Variants in USP49 observed in about 807,000 individuals in gnomAD.
USP49 encodes ubiquitin specific peptidase 49.
A neutral mutation model predicts 58.6 loss-of-function variants in USP49; 24 were observed. That is an observed-to-expected ratio of 0.41 (90% confidence interval 0.30 to 0.58). The LOEUF is 0.58. USP49 is among the 20% of genes least tolerant of loss of function. The pLI, the probability that USP49 is intolerant of heterozygous loss-of-function variation, is 0.30. For missense variants in USP49, 703 were observed against 866.1 expected (o/e 0.81, Z 2.36); for synonymous variants, 408 against 365.1 (o/e 1.12, Z -1.34).
At chr6:41,872,569 G>C (rs1168438538) in intron 2 of USP49, among the ~76,000 whole-genome samples, 2 of 151,774 alleles carry the variant, frequency 1.3e-5, no homozygotes, top group Non-Finnish European at 2.9e-5. Flanking sequence ...TTTTAAATTG[G>C]AGTACATATA....
chr6:41,826,892 C>G (rs536331253), intron 3 of USP49, among the ~76,000 whole-genome samples: 2 of 152,238 alleles, frequency 1.3e-5, no homozygotes, highest in South Asian at 2.1e-4. Context: ...AATGGTTAGG[C>G]AGTGTTCTTC....
chr6:41,877,654 C>T (rs1206884310), intron 2 of USP49, among the ~76,000 whole-genome samples: 4 of 151,704 alleles, frequency 2.6e-5, no homozygotes, highest in African/African-American at 9.7e-5. Flanking sequence ...CCTCTGCCTC[C>T]CAGGTAAGCA....
At position 41,812,374 on chromosome 6, in the gene USP49, C is replaced by T. The variant is rs1017537007; in HGVS notation, c.-28-5363G>A. Among the ~76,000 whole-genome samples, 3 of 147,884 alleles carry T rather than the reference C, an allele frequency of 2.0e-5. No homozygotes were observed. In the South Asian group the frequency reaches 6.7e-4, roughly 33 times the overall value. Reference sequence around the variant, plus strand: ...GATTACAGGCATGAGCCACTGCGCCCGGCCAGATGATTTTTTTGCACATTA... The same window carrying T: ...GATTACAGGCATGAGCCACTGCGCCTGGCCAGATGATTTTTTTGCACATTA... On this transcript the variant is annotated intron_variant, in intron 3 of 7. Coordinates refer to ENST00000682992, the MANE Select transcript of USP49 (RefSeq NM_001286554.2).
At chr6:41,860,285 A>AAG (rs1047183862) in intron 3 of USP49, among the ~76,000 whole-genome samples, 3 of 147,734 alleles carry the variant, frequency 2.0e-5, no homozygotes, top group Admixed American at 1.3e-4. Context: ...GAGAGAGAGA[A>AAG]AGAGAGAGAG....
intron 3 of USP49, among the ~76,000 whole-genome samples, chr6:41,817,457 C>CTT (rs58559695): frequency 8.0e-5 from 6 of 74,746 alleles, no homozygotes; most frequent in South Asian, 4.7e-4. Flanking sequence ...TTCTTTCTTT[C>CTT]TTTTTTTTTT....
At chr6:41,887,860 A>G (rs886778723) in intron 2 of USP49, among the ~76,000 whole-genome samples, 1 of 152,128 alleles carries the variant, frequency 6.6e-6, no homozygotes, top group Non-Finnish European at 1.5e-5. Context: ...AAACCCTGAA[A>G]ATTTCAGGAG....
intron 2 of USP49, among the ~76,000 whole-genome samples, chr6:41,889,832 A>T (rs911041529): frequency 6.6e-6 from 1 of 152,244 alleles, no homozygotes; most frequent in African/African-American, 2.4e-5. Context: ...TTGTTTAAAA[A>T]TACTCAAGTG....
chr6:41,861,469 A>G (rs1202592091), intron 3 of USP49, among the ~76,000 whole-genome samples: 2 of 152,128 alleles, frequency 1.3e-5, no homozygotes, highest in Non-Finnish European at 2.9e-5. Flanking sequence ...TAAATCCAAT[A>G]TAAGTATAGA....
chr6:41,839,404 CAAAAAAAAAAAAAAAAAA>C (rs538220746), intron 3 of USP49, among the ~76,000 whole-genome samples: 5 of 22,236 alleles, frequency 2.2e-4, no homozygotes, highest in African/African-American at 4.3e-4. Context: ...GGCCTTGTCT[CAAAAAAAAAAAAAAAAAA>C]AAAAAAAAAA....
chr6:41,828,002 T>A (rs1412500634), intron 3 of USP49, among the ~76,000 whole-genome samples: 1 of 152,202 alleles, frequency 6.6e-6, no homozygotes, highest in African/African-American at 2.4e-5. Flanking sequence ...GAATTTAAAA[T>A]TTTTTAAATT....
intron 3 of USP49, among the ~76,000 whole-genome samples, chr6:41,858,587 T>G (rs866293832): frequency 1.3e-5 from 2 of 152,172 alleles, no homozygotes; most frequent in Non-Finnish European, 2.9e-5. Flanking sequence ...ATGAGCCACA[T>G]TGGCCTCCTC....
At chr6:41,856,097 G>A (rs1774125903) in intron 3 of USP49, among the ~76,000 whole-genome samples, 1 of 151,494 alleles carries the variant, frequency 6.6e-6, no homozygotes, top group Non-Finnish European at 1.5e-5. Context: ...ATTAAGGCCG[G>A]GCGCTGTGGC....
At chr6:41,894,793 C>T (rs890504061) in intron 1 of USP49, among the ~76,000 whole-genome samples, 76 of 152,098 alleles carry the variant, frequency 5.0e-4, no homozygotes, top group Non-Finnish European at 1.6e-4. Flanking sequence ...TAACGCCCAC[C>T]CTGGCTTTTG....
chr6:41,876,245 C>T (rs1774502423), intron 2 of USP49, among the ~76,000 whole-genome samples: 1 of 152,166 alleles, frequency 6.6e-6, no homozygotes, highest in Non-Finnish European at 1.5e-5. Context: ...GCATCTAATC[C>T]TGTTTTGGAG....
At chr6:41,874,491 ATG>A (rs1459263157) in intron 2 of USP49, among the ~76,000 whole-genome samples, 8 of 152,228 alleles carry the variant, frequency 5.3e-5, no homozygotes, top group African/African-American at 1.9e-4. Flanking sequence ...ACAGTGTTTA[ATG>A]TGTGCCAGAA....
intron 2 of USP49, among the ~76,000 whole-genome samples, chr6:41,885,359 C>T (rs892636292): frequency 6.6e-5 from 10 of 152,126 alleles, no homozygotes; most frequent in African/African-American, 2.4e-4. Flanking sequence ...TAGATGTCTC[C>T]TAATGAAAGG....
chr6:41,851,918 C>A (rs1462967906), intron 3 of USP49, among the ~76,000 whole-genome samples: 1 of 132,000 alleles, frequency 7.6e-6, no homozygotes, highest in East Asian at 2.2e-4. Context: ...CGCGCCACTG[C>A]ACTCCAGCCT....
intron 3 of USP49, among the ~76,000 whole-genome samples, chr6:41,809,975 C>G (rs930803707): frequency 6.7e-6 from 1 of 149,810 alleles, no homozygotes; most frequent in South Asian, 2.1e-4. Flanking sequence ...CACGGTGAAA[C>G]CCTGTCTCTA....
chr6:41,855,440 A>C (rs900249207), intron 3 of USP49, among the ~76,000 whole-genome samples: 2 of 151,036 alleles, frequency 1.3e-5, no homozygotes, highest in Admixed American at 6.6e-5. Context: ...ACTTGAACCC[A>C]GGAGGCAGAG....
Sources: allele counts gnomAD v4.1 joint callset (sites outside exome capture counted in the v4.1 genomes callset), GRCh38; gene constraint gnomAD v4.1.1; transcripts MANE v1.5; gene names NCBI Gene and HGNC (gene_info 2026-07-23, HGNC 2026-07-21).